CNR2: variants seen among roughly 807,000 people sequenced by gnomAD.
CNR2 encodes cannabinoid receptor 2, also known as cannabinoid receptor 2 (macrophage).
For missense variants in CNR2, 379 were observed against 439.9 expected (o/e 0.86, Z 1.24); for synonymous variants, 172 against 182.2 (o/e 0.94, Z 0.45).
At position 23,875,179 on chromosome 1, in the gene CNR2, G is replaced by A. The variant is rs1557521491; in HGVS notation, c.439C>T (p.Arg147Cys). 5 of 1,614,046 alleles carry A rather than the reference G, an allele frequency of 3.1e-6. No individual in the cohort carries two copies. Among genetic ancestry groups the A allele is most frequent in the African/African-American group, 1.3e-5 (1 of 75,034 alleles). ...CCCAGGGTCACCAGTGCCCTTCCAC[G>A]GGTGAGCAGAGCTTTGTAGGAAGGT... ...YPPSYKALLTRGRALVTLGIM... is the reference protein window; with the variant it reads ...YPPSYKALLTCGRALVTLGIM... The change falls in exon 2 of 2, where the codon CGT becomes TGT. Residue 147 changes from arginine (R) to cysteine (C), a missense_variant. Coordinates refer to ENST00000374472, the MANE Select transcript of CNR2 (RefSeq NM_001841.3).
At chr1:23,895,890 T>TA (rs528037989) in intron 1 of CNR2, among the ~76,000 whole-genome samples, 65 of 152,308 alleles carry the variant, frequency 4.3e-4, no homozygotes, top group African/African-American at 1.4e-3. Context: ...GGGGCCCTGA[T>TA]ACCACGCACA....
chr1:23,877,069 A>G (rs916458303), intron 1 of CNR2, among the ~76,000 whole-genome samples: 2 of 152,198 alleles, frequency 1.3e-5, no homozygotes, highest in African/African-American at 4.8e-5. Flanking sequence ...ATGCATAAGG[A>G]AACATGAGCA....
intron 1 of CNR2, among the ~76,000 whole-genome samples, chr1:23,904,242 G>A (rs557424257): frequency 4.0e-5 from 6 of 148,422 alleles, no homozygotes; most frequent in South Asian, 4.3e-4. Flanking sequence ...GTGCGATCTC[G>A]GCTCACTACA....
intron 1 of CNR2, among the ~76,000 whole-genome samples, chr1:23,892,079 T>A (rs1570713007): frequency 6.6e-6 from 1 of 152,272 alleles, no homozygotes; most frequent in East Asian, 1.9e-4. Flanking sequence ...TGACCATATT[T>A]CTCACCCTAG....
chr1:23,897,742 G>A (rs1640308570), intron 1 of CNR2, among the ~76,000 whole-genome samples: 1 of 152,144 alleles, frequency 6.6e-6, no homozygotes, highest in African/African-American at 2.4e-5. Flanking sequence ...TTACAGGCAT[G>A]AGCCACCACG....
At chr1:23,909,053 C>T (rs547903130) in intron 1 of CNR2, among the ~76,000 whole-genome samples, 282 of 152,092 alleles carry the variant, frequency 1.9e-3, no homozygotes, top group African/African-American at 6.5e-3. Context: ...TGAAGCTCAC[C>T]GGACACCGAA....
At position 23,889,101 on chromosome 1, in the gene CNR2, G is replaced by A. The variant is rs180875431; in HGVS notation, c.-45-13439C>T. Among the ~76,000 whole-genome samples, 41 of 152,260 alleles carry A rather than the reference G, an allele frequency of 2.7e-4. No individual in the cohort carries two copies. In the East Asian group the frequency reaches 7.7e-3, roughly 29 times the overall value. ...ACTTCACATAGGGAGCGTCCATGGT[G>A]GGGCTGGTGTTAGGGGCTGCAGCCT... On this transcript the variant is annotated intron_variant, in intron 1 of 1. Transcript: ENST00000374472.
chr1:23,894,949 G>A (rs1442586631), intron 1 of CNR2, among the ~76,000 whole-genome samples: 3 of 152,066 alleles, frequency 2.0e-5, no homozygotes, highest in Admixed American at 1.3e-4. Flanking sequence ...GCCGGGCATG[G>A]TGGCTCACAC....
At chr1:23,909,378 T>C (rs1157460689) in intron 1 of CNR2, among the ~76,000 whole-genome samples, 1 of 152,096 alleles carries the variant, frequency 6.6e-6, no homozygotes, top group Admixed American at 6.6e-5. Context: ...CTTCTGGTGG[T>C]CCCTGCAGCA....
intron 1 of CNR2, among the ~76,000 whole-genome samples, chr1:23,894,177 T>C (rs908437042): frequency 1.9e-4 from 28 of 149,936 alleles, no homozygotes; most frequent in Non-Finnish European, 3.7e-4. Context: ...TCCCAATACT[T>C]TGGGAGGCCG....
At chr1:23,898,730 G>A (rs1271971520) in intron 1 of CNR2, among the ~76,000 whole-genome samples, 33 of 129,016 alleles carry the variant, frequency 2.6e-4, no homozygotes, top group African/African-American at 9.8e-4. Context: ...TTGGCTCACT[G>A]CAAGCTCCGC....
At chr1:23,903,952 T>C (rs536382239) in intron 1 of CNR2, among the ~76,000 whole-genome samples, 1 of 152,316 alleles carries the variant, frequency 6.6e-6, no homozygotes, top group South Asian at 2.1e-4. Context: ...TGCCTCCTAG[T>C]TGCTCAGCTG....
At chr1:23,907,945 T>C (rs1352796165) in intron 1 of CNR2, 1 of 149,886 alleles carries the variant, frequency 6.7e-6, no homozygotes, top group Non-Finnish European at 1.5e-5. Flanking sequence ...TGGTTGTGAG[T>C]CATGAGCTAG....
intron 1 of CNR2, among the ~76,000 whole-genome samples, chr1:23,877,274 GAA>G (rs1191728699): frequency 6.6e-6 from 1 of 152,114 alleles, no homozygotes; most frequent in Non-Finnish European, 1.5e-5. Flanking sequence ...TAAAATCATT[GAA>G]AAAAGAGATC....
chr1:23,910,654 CAAAAAAAAA>C (rs34083515), intron 1 of CNR2, among the ~76,000 whole-genome samples: 1 of 32,198 alleles, frequency 3.1e-5, no homozygotes, highest in African/African-American at 1.7e-4. Context: ...AACGCTGTCT[CAAAAAAAAA>C]AAAAAAAAAA....
chr1:23,894,641 T>TAAAAAAAAA lies in CNR2; in HGVS notation c.-46+18604_-46+18605insTTTTTTTTT, dbSNP rs71575781. On this transcript the variant is annotated intron_variant, in intron 1 of 1. Transcript: ENST00000374472. ...ACACCGTGAAACCCCATCTGTATTA[T>TAAAAAAAAA]AAATAATAATAATAAAAAAATCAGC... Among the ~76,000 whole-genome samples, 4 of 110,146 alleles carry TAAAAAAAAA rather than the reference T, an allele frequency of 3.6e-5. 1 individual carries two copies. Among genetic ancestry groups the TAAAAAAAAA allele is most frequent in the Non-Finnish European group, 7.1e-5 (4 of 56,058 alleles). 72.3% of individuals were successfully genotyped at this position (110,146 alleles called of 152,430 possible). A position where few individuals can be genotyped will look rare whatever the true frequency, so the allele number is the denominator to read the frequency against.
chr1:23,903,456 C>T (rs994203512), intron 1 of CNR2, among the ~76,000 whole-genome samples: 1 of 151,792 alleles, frequency 6.6e-6, no homozygotes, highest in African/African-American at 2.4e-5. Context: ...TGCCTGTGGT[C>T]CCAGGCACTT....
intron 1 of CNR2, chr1:23,902,267 G>C (rs1640413379): frequency 7.1e-7 from 1 of 1,406,916 alleles, no homozygotes; most frequent in Non-Finnish European, 9.7e-7. Flanking sequence ...TCTCACAGAA[G>C]CCTTGGGACC....
At chr1:23,902,239 C>T (rs1640412865) in intron 1 of CNR2, 21 of 1,355,316 alleles carry the variant, frequency 1.5e-5, no homozygotes, top group Non-Finnish European at 2.1e-5. Flanking sequence ...ACAATGATCT[C>T]CAACGTCTGC....
Sources: gnomAD v4.1 joint callset for allele counts (sites outside exome capture counted in the v4.1 genomes callset) on GRCh38, gnomAD v4.1.1 for gene constraint, MANE v1.5 for transcripts, NCBI Gene and HGNC (gene_info 2026-07-23, HGNC 2026-07-21) for gene names.